Variants in AP4E1 observed in about 807,000 individuals in gnomAD.
AP4E1 encodes the protein AP-4 complex subunit epsilon-1.
AP4E1 carries 56 observed loss-of-function variants against 128.2 expected under a neutral mutation model. That is an observed-to-expected ratio of 0.44 (90% CI 0.35 to 0.55). AP4E1 has a LOEUF of 0.55. Ranked by LOEUF, AP4E1 falls within the 20% of genes least tolerant of loss-of-function variation. The pLI is 0.00. For missense variants in AP4E1, 1,324 were observed against 1,307.7 expected (o/e 1.01, Z -0.19); for synonymous variants, 484 against 473.1 (o/e 1.02, Z -0.30).
At chr15:50,929,694 A>T (rs1190933687) in intron 6 of AP4E1, among the ~76,000 whole-genome samples, 1 of 152,182 alleles carries the variant, frequency 6.6e-6, no homozygotes, top group African/African-American at 2.4e-5. Context: ...AAATATACAT[A>T]TTTGTAACAG....
intron 3 of AP4E1, among the ~76,000 whole-genome samples, chr15:50,921,248 C>G (rs1256890333): frequency 2.6e-5 from 4 of 152,192 alleles, no homozygotes; most frequent in East Asian, 1.9e-4. Flanking sequence ...CCTTGGCCCC[C>G]CAACGTGCTG....
chr15:50,993,421 C>T lies in AP4E1; in HGVS notation c.2142C>T (p.Gly714=), dbSNP rs1235571271. Residue 714 remains glycine (G), a synonymous_variant, in exon 17 of 21, where the codon GGC becomes GGT. Coordinates refer to ENST00000261842, the MANE Select transcript of AP4E1 (RefSeq NM_007347.5). ...EGIKKLWGKE[G]YLPKKESKTG... ...TAAAGAAATTGTGGGGGAAAGAAGG[C>T]TATCTTCCCAAGAAGGAAAGCAAAA... 1 of 1,613,816 alleles carries T rather than the reference C, an allele frequency of 6.2e-7. No individual in the cohort carries two copies. Among genetic ancestry groups the T allele is most frequent in the East Asian group, 2.2e-5 (1 of 44,838 alleles).
intron 8 of AP4E1, among the ~76,000 whole-genome samples, chr15:50,937,385 C>A (rs2063921498): frequency 1.3e-5 from 2 of 152,250 alleles, no homozygotes; most frequent in Middle Eastern, 3.4e-3. Context: ...TCTATTATTA[C>A]AATTTAGTGT....
Position 50,997,870 on chromosome 15 carries a change from C to T in AP4E1, c.2891C>T (p.Ala964Val). The stretch of plus-strand genomic sequence containing the variant: ...AGTGCTGACTTAGAAATTTTTCCTG[C>T]AGAAAATTTCAAGGTAAAATTTAAA... ...LKSADLEIFP[A>V]ENFKVTEQPG... Residue 964 changes from alanine (A) to valine (V), a missense_variant, in exon 18 of 21, where the codon GCA (alanine) becomes GTA (valine). By Grantham distance (64) the Ala-to-Val change is moderately conservative (BLOSUM62 0). Coordinates refer to ENST00000261842, the MANE Select transcript of AP4E1 (RefSeq NM_007347.5). 6.3e-7 allele frequency: 1 copy of T among 1,597,100 alleles called. No individual in the cohort carries two copies. Among genetic ancestry groups the T allele is most frequent in the Non-Finnish European group, 8.5e-7 (1 of 1,170,004 alleles).
chr15:50,908,872 T>G lies in AP4E1; in HGVS notation c.94T>G (p.Phe32Val). The change falls in exon 1 of 21, where the codon TTC (phenylalanine) becomes GTC (valine). Residue 32 changes from phenylalanine (F) to valine (V), a missense_variant. By Grantham distance (50) the Phe-to-Val change is conservative. Coordinates refer to ENST00000261842, the MANE Select transcript of AP4E1 (RefSeq NM_007347.5). ...GGGPAAAKAS[F>V]SSRLGSLVRG... ...TGGGCCCGCGGCCGCCAAGGCGTCC[T>G]TCTCCTCGAGGCTGGGCAGCCTTGT... 6.2e-7 allele frequency: 1 copy of G among 1,610,360 alleles called. No homozygotes were observed.
At chr15:50,957,800 C>T (rs1334624435) in intron 13 of AP4E1, among the ~76,000 whole-genome samples, 2 of 151,458 alleles carry the variant, frequency 1.3e-5, no homozygotes, top group East Asian at 1.9e-4. Flanking sequence ...TCTCAGCCTC[C>T]TGAGTAGCTG....
Position 50,993,244 on chromosome 15 carries a change from A to G in AP4E1, c.2091-126A>G, listed in dbSNP as rs188451689. On this transcript the variant is annotated intron_variant, in intron 16 of 20. Transcript: ENST00000261842. ...GAGATCAAGGTTTTACTTCTGGTAT[A>G]TAGAATATAATGTGACAGTTGTTTT... 52 of 963,818 alleles carry G rather than the reference A, an allele frequency of 5.4e-5. No individual in the cohort carries two copies. In the Middle Eastern group the frequency reaches 1.2e-3, roughly 23 times the overall value. The allele number at this position is 963,818 out of a possible 1,614,324, so 59.7% of individuals were successfully genotyped here.
At chr15:50,957,671 C>CTTTTTTTT (rs61656848) in intron 13 of AP4E1, among the ~76,000 whole-genome samples, 82 of 87,966 alleles carry the variant, frequency 9.3e-4, no homozygotes, top group African/African-American at 1.6e-3. Flanking sequence ...ACAAGCGTTT[C>CTTTTTTTT]TTTTTTTTTT....
At chr15:50,973,442 TCTC>T (rs561995308) in intron 15 of AP4E1, among the ~76,000 whole-genome samples, 215 of 152,338 alleles carry the variant, frequency 1.4e-3, no homozygotes, top group African/African-American at 5.0e-3. Flanking sequence ...ACTGGAGGTC[TCTC>T]CTCTTAACAA....
Position 50,948,015 on chromosome 15 carries a change from A to G in AP4E1, c.1177-5A>G. On this transcript the variant is annotated splice_polypyrimidine_tract_variant and splice_region_variant and intron_variant, in intron 10 of 20. Coordinates refer to ENST00000261842, the MANE Select transcript of AP4E1 (RefSeq NM_007347.5). ...TATTGTTTTTAATTTTTCTTCTTTA[A>G]ATAGACTCTGGAACTTCTTTACAGA... 1 of 1,587,706 alleles carries G rather than the reference A, an allele frequency of 6.3e-7. No individual in the cohort carries two copies. The highest frequency in any genetic ancestry group is 8.6e-7 in the Non-Finnish European group (1 of 1,157,442).
At chr15:50,909,079 C>G in intron 1 of AP4E1, 151 bp downstream of exon 1, 1 of 1,314,964 alleles carries the variant, frequency 7.6e-7, no homozygotes, top group African/African-American at 1.5e-5. Flanking sequence ...TTTCGTCTGC[C>G]TGGAAGCTTC....
chr15:50,925,155 A>G lies in AP4E1; in HGVS notation c.478A>G (p.Ile160Val). The change falls in exon 5 of 21, where the codon ATT becomes GTT. Residue 160 changes from isoleucine (I) to valine (V), a missense_variant. Coordinates refer to ENST00000261842, the MANE Select transcript of AP4E1 (RefSeq NM_007347.5). The part of the protein sequence containing the change: ...VCMALTVVSQ[I>V]FPCEMIPAVL... The stretch of plus-strand genomic sequence containing the variant: ...TATGGCACTGACTGTTGTTAGCCAG[A>G]TTTTCCCCTGCGAAATGATTCCAGC... 1 of 1,613,950 alleles carries G rather than the reference A, an allele frequency of 6.2e-7. No individual in the cohort carries two copies. Among genetic ancestry groups the G allele is most frequent in the South Asian group, 1.1e-5 (1 of 91,076 alleles).
At chr15:50,926,600 T>C in intron 5 of AP4E1, among the ~76,000 whole-genome samples, 1 of 151,894 alleles carries the variant, frequency 6.6e-6, no homozygotes, top group East Asian at 1.9e-4. Flanking sequence ...TTATAGCTTG[T>C]ATTCTTTTTT....
intron 6 of AP4E1, among the ~76,000 whole-genome samples, chr15:50,929,526 G>A (rs78291760): frequency 0.028 from 4,311 of 151,976 alleles, 69 homozygotes; most frequent in Non-Finnish European, 0.039. Flanking sequence ...AACCAGCGGG[G>A]GTTGTGCAAG....
Position 50,968,377 on chromosome 15 carries a change from G to C in AP4E1, c.1966G>C (p.Val656Leu). 4 of 1,606,848 alleles carry C rather than the reference G, an allele frequency of 2.5e-6. No individual in the cohort carries two copies. The highest frequency in any genetic ancestry group is 3.4e-6 in the Non-Finnish European group (4 of 1,174,666). ...GGAGGAAAAGCTTTCTCAGGAAAAAGGTAATTTTTCATGGATTTATGATAA... is the reference window on the plus strand; with the variant it reads ...GGAGGAAAAGCTTTCTCAGGAAAAACGTAATTTTTCATGGATTTATGATAA... ...RQEEKLSQEKVLNFEPYGLSF... is the reference protein window; with the variant it reads ...RQEEKLSQEKLLNFEPYGLSF... The change falls in exon 15 of 21, where the codon GTT (valine) becomes CTT (leucine). Residue 656 changes from valine (V) to leucine (L), a missense_variant and splice_region_variant. Coordinates refer to ENST00000261842, the MANE Select transcript of AP4E1 (RefSeq NM_007347.5).
At chr15:50,958,054 C>G (rs2064254815) in intron 13 of AP4E1, among the ~76,000 whole-genome samples, 1 of 151,944 alleles carries the variant, frequency 6.6e-6, no homozygotes, top group Non-Finnish European at 1.5e-5. Context: ...TTCTCGGGGA[C>G]CACAGACATA....
chr15:50,950,022 A>C, intron 12 of AP4E1, 29 bp from the exon 13 acceptor site: 1 of 1,598,524 alleles, frequency 6.3e-7, no homozygotes, highest in Non-Finnish European at 8.6e-7. Context: ...GTTTGTGGAA[A>C]TTAAAATGGT....
intron 16 of AP4E1, among the ~76,000 whole-genome samples, chr15:50,987,472 A>G (rs2064744913): frequency 2.0e-5 from 3 of 152,152 alleles, no homozygotes; most frequent in South Asian, 2.1e-4. Flanking sequence ...ACACTACTTT[A>G]AATGTGTCCC....
rs1467248102 is a variant in AP4E1 at position 50,984,006 on chromosome 15, T to C, written c.1967-16T>C. 5 of 1,611,204 alleles carry C rather than the reference T, an allele frequency of 3.1e-6. No homozygotes were observed. Among genetic ancestry groups the C allele is most frequent in the Non-Finnish European group, 4.2e-6 (5 of 1,178,016 alleles). On this transcript the variant is annotated splice_polypyrimidine_tract_variant and intron_variant, in intron 15 of 20. Transcript: ENST00000261842. ...TGTTTTAAATATGAACCTCTGTTAT[T>C]ATTTTAAAATTCTAGTTCTCAATTT... is the stretch of plus-strand genomic sequence containing the variant.
Sources: allele counts gnomAD v4.1 joint callset (sites outside exome capture counted in the v4.1 genomes callset), GRCh38; gene constraint gnomAD v4.1.1; transcripts MANE v1.5; gene names NCBI Gene and HGNC (gene_info 2026-07-23, HGNC 2026-07-21).